BTF3L4: variants seen among roughly 807,000 people sequenced by gnomAD.
The protein encoded by BTF3L4 is transcription factor BTF3 homolog 4.
In BTF3L4, 6 loss-of-function variants were observed where a neutral mutation model predicts 16.8. The observed-to-expected ratio is 0.36, with a 90% confidence interval of 0.20 to 0.71. BTF3L4 has a LOEUF of 0.71. Among genes scored for constraint, BTF3L4 ranks in the 30% least tolerant of loss-of-function variants. The probability of loss-of-function intolerance (pLI) is 0.58; values close to 1 mark genes in which losing one functional copy is unlikely to be tolerated. For missense variants in BTF3L4, 92 were observed against 186.9 expected, an observed-to-expected ratio of 0.49 and a Z score of 2.96; for synonymous variants, 39 against 59.8, an observed-to-expected ratio of 0.65 and a Z score of 1.60.
At chr1:52,081,038 C>G (rs1643915073) in intron 3 of BTF3L4, among the ~76,000 whole-genome samples, 1 of 151,758 alleles carries the variant, frequency 6.6e-6, no homozygotes, top group Non-Finnish European at 1.5e-5. Flanking sequence ...AAGGGTTTCA[C>G]CATGTTGGCC....
chr1:52,085,395 CAG>C (rs1643962510), intron 4 of BTF3L4, among the ~76,000 whole-genome samples: 1 of 149,556 alleles, frequency 6.7e-6, no homozygotes, highest in African/African-American at 2.5e-5. Flanking sequence ...TTTTTTGAGA[CAG>C]AGTCTGACTC....
At chr1:52,060,166 T>C (rs1686472353) in intron 2 of BTF3L4, among the ~76,000 whole-genome samples, 2 of 152,230 alleles carry the variant, frequency 1.3e-5, no homozygotes, top group Admixed American at 1.3e-4. Flanking sequence ...TATCCAACCT[T>C]GTTAAGCTTC....
intron 3 of BTF3L4, among the ~76,000 whole-genome samples, chr1:52,076,679 G>C (rs898359777): frequency 3.9e-5 from 6 of 152,098 alleles, no homozygotes; most frequent in Admixed American, 2.6e-4. Context: ...ATAGACTAAT[G>C]ATAGCGTAAG....
chr1:52,068,411 C>T (rs1686706569), intron 3 of BTF3L4, among the ~76,000 whole-genome samples: 2 of 152,204 alleles, frequency 1.3e-5, no homozygotes, highest in African/African-American at 4.8e-5. Flanking sequence ...AATTAGACAA[C>T]TAGACAAATC....
At chr1:52,074,739 C>T (rs558548193) in intron 3 of BTF3L4, among the ~76,000 whole-genome samples, 69 of 152,190 alleles carry the variant, frequency 4.5e-4, no homozygotes, top group Admixed American at 1.4e-3. Flanking sequence ...GAACTCCTGA[C>T]CTCAGGTGAT....
chr1:52,066,666 AC>A (rs1250863286), intron 3 of BTF3L4, among the ~76,000 whole-genome samples: 2 of 146,968 alleles, frequency 1.4e-5, no homozygotes, highest in Non-Finnish European at 1.5e-5. Context: ...ACACGGTGAA[AC>A]CCCGTCTCTA....
intron 1 of BTF3L4, among the ~76,000 whole-genome samples, chr1:52,059,324 A>G (rs1052538859): frequency 2.0e-5 from 3 of 152,224 alleles, no homozygotes; most frequent in Admixed American, 6.5e-5. Context: ...ACAGCTAGAC[A>G]GCCTTTTGTT....
intron 2 of BTF3L4, 128 bp downstream of exon 2, chr1:52,060,029 G>A (rs1387967356): frequency 2.4e-6 from 2 of 847,966 alleles, no homozygotes; most frequent in African/African-American, 1.7e-5. Flanking sequence ...ATTCCAATTT[G>A]AAAATAACTT....
intron 3 of BTF3L4, among the ~76,000 whole-genome samples, chr1:52,080,806 T>A (rs533344428): frequency 1.3e-5 from 2 of 150,734 alleles, no homozygotes; most frequent in Non-Finnish European, 2.9e-5. Flanking sequence ...AGTGCTGGGA[T>A]AACAGGCGTG....
intron 1 of BTF3L4, among the ~76,000 whole-genome samples, chr1:52,058,711 C>T (rs1168010128): frequency 1.3e-5 from 2 of 152,034 alleles, no homozygotes; most frequent in Non-Finnish European, 2.9e-5. Flanking sequence ...AGGCGATTCT[C>T]CTGCCTCAGC....
intron 3 of BTF3L4, chr1:52,071,222 A>G (rs898168946): frequency 6.6e-6 from 1 of 152,190 alleles, no homozygotes; most frequent in East Asian, 1.9e-4. Flanking sequence ...AGATGCCCTA[A>G]TTGTTCCAAG....
At chr1:52,077,545 G>A (rs753629664) in intron 3 of BTF3L4, among the ~76,000 whole-genome samples, 31 of 152,104 alleles carry the variant, frequency 2.0e-4, no homozygotes, top group Non-Finnish European at 3.5e-4. Context: ...GTGACAGAGC[G>A]AGACTCCATC....
chr1:52,073,032 T>TGG (rs1216048346), intron 3 of BTF3L4, among the ~76,000 whole-genome samples: 5 of 152,028 alleles, frequency 3.3e-5, no homozygotes, highest in Non-Finnish European at 5.9e-5. Flanking sequence ...CACTCCAGCC[T>TGG]GAGCAACAGA....
chr1:52,086,235 A>G (rs1475702125), intron 5 of BTF3L4, 64 bp downstream of exon 5: 19 of 1,254,016 alleles, frequency 1.5e-5, no homozygotes, highest in Middle Eastern at 1.9e-4. Context: ...CAGTCATTGC[A>G]TAGATAACTT....
chr1:52,072,973 G>A (rs577550375), intron 3 of BTF3L4, among the ~76,000 whole-genome samples: 2 of 152,186 alleles, frequency 1.3e-5, no homozygotes, highest in African/African-American at 4.8e-5. Context: ...CAGAAGAATC[G>A]TTTGAACCTG....
chr1:52,080,523 T>G lies in BTF3L4; in HGVS notation c.169-2817T>G, dbSNP rs1407561422. Among the ~76,000 whole-genome samples the G allele has an allele frequency of 1.6e-3, 15 of 9,428 alleles. No homozygotes were observed. The Non-Finnish European group carries it at 0.022, about 14-fold the overall frequency. The allele number at this position is 9,428 out of a possible 152,430, so 6.2% of individuals were successfully genotyped here. On this transcript the variant is annotated intron_variant, in intron 3 of 5. Transcript: ENST00000313334. ...TAGAAATCTTTGGTTTTTTGGGTTT[T>G]TTTTTTTTTTTTTTTTTTTTTTTTT... is the stretch of plus-strand genomic sequence containing the variant.
intron 1 of BTF3L4, among the ~76,000 whole-genome samples, chr1:52,059,492 T>C (rs1686456743): frequency 6.6e-6 from 1 of 152,224 alleles, no homozygotes; most frequent in East Asian, 1.9e-4. Flanking sequence ...GGAAAAAAAC[T>C]GGCTTGCCTA....
chr1:52,071,883 T>C (rs6661480), intron 3 of BTF3L4, among the ~76,000 whole-genome samples: 111,164 of 150,800 alleles, frequency 0.74, 45,421 homozygotes, highest in Non-Finnish European at 0.89. Context: ...GCATCCTTCT[T>C]TCTCTCTTAG....
chr1:52,084,317 A>G (rs1558011078), intron 4 of BTF3L4, among the ~76,000 whole-genome samples: 1 of 151,916 alleles, frequency 6.6e-6, no homozygotes, highest in East Asian at 1.9e-4. Flanking sequence ...TAATTTTTGT[A>G]TTTTTAGTAT....
Sources: gnomAD v4.1 joint callset for allele counts (sites outside exome capture counted in the v4.1 genomes callset) on GRCh38, gnomAD v4.1.1 for gene constraint, MANE v1.5 for transcripts, NCBI Gene and HGNC (gene_info 2026-07-23, HGNC 2026-07-21) for gene names.